The following SKAP2 variants were observed in gnomAD, a reference collection of about 807,000 sequenced individuals.
The protein encoded by SKAP2 is src kinase-associated phosphoprotein 2.
SKAP2 carries 28 observed loss-of-function variants against 54.9 expected under a neutral mutation model. That is an observed-to-expected ratio of 0.51 (90% CI 0.38 to 0.70). The LOEUF is 0.70. SKAP2 is among the 30% of genes least tolerant of loss of function. SKAP2 has a pLI of 0.00. For missense variants in SKAP2, 356 were observed against 424.1 expected, an observed-to-expected ratio of 0.84 and a Z score of 1.41; for synonymous variants, 137 against 134.3, an observed-to-expected ratio of 1.02 and a Z score of -0.14.
At chr7:26,655,685 T>G in the SKAP2 span, among the ~76,000 whole-genome samples, 115 of 152,340 alleles carry the variant, frequency 7.5e-4, no homozygotes, top group Admixed American at 2.1e-3. Context: ...CCTAGAGTAC[T>G]CCTTGTAATG....
intron 4 of SKAP2, among the ~76,000 whole-genome samples, chr7:26,815,334 A>C (rs756897308): frequency 6.6e-6 from 1 of 152,182 alleles, no homozygotes; most frequent in Non-Finnish European, 1.5e-5. Context: ...ACTAGACAGA[A>C]TACAATACAG....
intron 4 of SKAP2, among the ~76,000 whole-genome samples, chr7:26,766,439 T>C (rs1783057735): frequency 2.0e-5 from 3 of 152,200 alleles, no homozygotes; most frequent in African/African-American, 7.2e-5. Flanking sequence ...TTACTTCCTC[T>C]CTTCCTATTT....
chr7:26,692,342 T>C (rs1786803996), intron 9 of SKAP2, among the ~76,000 whole-genome samples: 1 of 152,130 alleles, frequency 6.6e-6, no homozygotes, highest in Non-Finnish European at 1.5e-5. Flanking sequence ...AGGAATTTAA[T>C]GTATTGGTGA....
chr7:26,697,858 T>C (rs1255761871), intron 9 of SKAP2, among the ~76,000 whole-genome samples: 3 of 152,176 alleles, frequency 2.0e-5, no homozygotes, highest in Non-Finnish European at 4.4e-5. Flanking sequence ...ATACCCCAAA[T>C]GCATATGTAT....
At chr7:26,859,088 G>A (rs760933526) in intron 1 of SKAP2, among the ~76,000 whole-genome samples, 1 of 152,028 alleles carries the variant, frequency 6.6e-6, no homozygotes, top group South Asian at 2.1e-4. Flanking sequence ...ATGCTTAGCC[G>A]CAGATCAATA....
intron 4 of SKAP2, among the ~76,000 whole-genome samples, chr7:26,799,171 C>A (rs1351043737): frequency 2.3e-4 from 35 of 151,348 alleles, no homozygotes; most frequent in Admixed American, 2.3e-3. Flanking sequence ...CACAAAACAA[C>A]CAGAAAATAA....
At chr7:26,655,042 A>C in the SKAP2 span, among the ~76,000 whole-genome samples, 1 of 152,168 alleles carries the variant, frequency 6.6e-6, no homozygotes. Flanking sequence ...GATGTAACTA[A>C]AGGTTGAAAT....
intron 4 of SKAP2, among the ~76,000 whole-genome samples, chr7:26,776,958 T>C (rs1783324854): frequency 6.6e-6 from 1 of 152,170 alleles, no homozygotes; most frequent in Admixed American, 6.5e-5. Flanking sequence ...CTACATGCCA[T>C]TCCCAAATGT....
chr7:26,761,100 T>C (rs1405635182), intron 4 of SKAP2, among the ~76,000 whole-genome samples: 1 of 152,148 alleles, frequency 6.6e-6, no homozygotes, highest in African/African-American at 2.4e-5. Context: ...GCAACTGGTC[T>C]TTAAAAATAA....
intron 9 of SKAP2, among the ~76,000 whole-genome samples, chr7:26,723,556 AG>A (rs1457389405): frequency 6.6e-5 from 10 of 152,074 alleles, no homozygotes; most frequent in Non-Finnish European, 1.2e-4. Flanking sequence ...GTGGGTGAGG[AG>A]GGGGGCAAGG....
chr7:26,765,630 T>A (rs933056318), intron 4 of SKAP2, among the ~76,000 whole-genome samples: 1 of 152,220 alleles, frequency 6.6e-6, no homozygotes, highest in Non-Finnish European at 1.5e-5. Flanking sequence ...TAATCCACCT[T>A]GGGTTAATTT....
intron 4 of SKAP2, among the ~76,000 whole-genome samples, chr7:26,790,660 A>G (rs1400218476): frequency 1.3e-5 from 2 of 152,206 alleles, no homozygotes; most frequent in African/African-American, 4.8e-5. Context: ...TTTGAAACTA[A>G]TATCCTAACA....
At chr7:26,658,579 A>G in the SKAP2 span, among the ~76,000 whole-genome samples, 1 of 151,918 alleles carries the variant, frequency 6.6e-6, no homozygotes, top group African/African-American at 2.4e-5. Flanking sequence ...TAAAACTGAC[A>G]TGTTTACTGA....
chr7:26,802,866 T>G (rs936705465), intron 4 of SKAP2, among the ~76,000 whole-genome samples: 5 of 151,932 alleles, frequency 3.3e-5, no homozygotes, highest in African/African-American at 1.2e-4. Context: ...AGCAAGACTC[T>G]GTCTCAATAA....
chr7:26,727,824 A>G (rs1184154990), intron 6 of SKAP2, among the ~76,000 whole-genome samples: 2 of 152,150 alleles, frequency 1.3e-5, no homozygotes, highest in African/African-American at 4.8e-5. Flanking sequence ...ACCCAGTTAC[A>G]CCATTTTGAT....
intron 4 of SKAP2, among the ~76,000 whole-genome samples, chr7:26,776,035 A>G (rs186380993): frequency 1.9e-4 from 29 of 152,198 alleles, no homozygotes; most frequent in African/African-American, 7.0e-4. Flanking sequence ...TCATATGCTG[A>G]TTGCATATTC....
At chr7:26,827,956 T>A (rs981708600) in intron 4 of SKAP2, among the ~76,000 whole-genome samples, 2 of 151,972 alleles carry the variant, frequency 1.3e-5, no homozygotes, top group African/African-American at 2.4e-5. Context: ...AGGGAAAAAA[T>A]AAATAAATAA....
intron 9 of SKAP2, among the ~76,000 whole-genome samples, chr7:26,724,799 T>C (rs964158173): frequency 5.9e-5 from 9 of 152,174 alleles, no homozygotes; most frequent in Non-Finnish European, 1.3e-4. Context: ...AAGTAGCTAA[T>C]AGATAATTAA....
chr7:26,706,376 T>C (rs934368617), intron 9 of SKAP2, among the ~76,000 whole-genome samples: 12 of 151,942 alleles, frequency 7.9e-5, no homozygotes, highest in Admixed American at 6.6e-4. Flanking sequence ...AATATCTATG[T>C]TTTTTTTATA....
Sources: gnomAD v4.1 joint callset for allele counts (sites outside exome capture counted in the v4.1 genomes callset) on GRCh38, gnomAD v4.1.1 for gene constraint, MANE v1.5 for transcripts, NCBI Gene and HGNC (gene_info 2026-07-23, HGNC 2026-07-21) for gene names.